The following HDAC4 variants were observed in gnomAD, a reference collection of about 807,000 sequenced individuals.
The protein encoded by HDAC4 is histone deacetylase A.
HDAC4 carries 16 observed loss-of-function variants against 135.1 expected under a neutral mutation model. That is an observed-to-expected ratio of 0.12 (90% confidence interval 0.08 to 0.18). The LOEUF is 0.18. Among genes scored for constraint, HDAC4 ranks in the 10% least tolerant of loss-of-function variants. The pLI, the probability that HDAC4 is intolerant of heterozygous loss-of-function variation, is 1.00. For synonymous variants in HDAC4, 685 were observed against 653.4 expected, an observed-to-expected ratio of 1.05 and a Z score of -0.74; for missense variants, 1,143 against 1,511.8, an observed-to-expected ratio of 0.76 and a Z score of 4.05.
At chr2:239,364,150 G>A (rs1251344683) in intron 1 of HDAC4, among the ~76,000 whole-genome samples, 3 of 152,150 alleles carry the variant, frequency 2.0e-5, no homozygotes, top group African/African-American at 4.8e-5. Context: ...GAAACCCCTC[G>A]GTGGCAGGTA....
chr2:239,268,285 C>T (rs1243093262), intron 2 of HDAC4, among the ~76,000 whole-genome samples: 6 of 143,652 alleles, frequency 4.2e-5, no homozygotes, highest in Non-Finnish European at 6.4e-5. Context: ...CGGGCCAGGC[C>T]CCACTGACAG....
intron 3 of HDAC4, among the ~76,000 whole-genome samples, chr2:239,193,056 C>T (rs1049469580): frequency 2.6e-5 from 4 of 152,220 alleles, no homozygotes; most frequent in African/African-American, 7.2e-5. Flanking sequence ...GAATAAGTAA[C>T]TGCACAGCGT....
At chr2:239,109,744 G>A (rs777505390) in intron 14 of HDAC4, among the ~76,000 whole-genome samples, 1 of 152,318 alleles carries the variant, frequency 6.6e-6, no homozygotes, top group African/African-American at 2.4e-5. Context: ...CATAGGCAAT[G>A]ACGGACACTG....
chr2:239,076,829 G>A (rs888474433), intron 22 of HDAC4, among the ~76,000 whole-genome samples: 5 of 152,090 alleles, frequency 3.3e-5, no homozygotes, highest in African/African-American at 9.7e-5. Flanking sequence ...AAGCAAAAGC[G>A]TCCCCACTGA....
chr2:239,115,134 G>T lies in HDAC4; in HGVS notation c.1710C>A (p.Ser570Arg), dbSNP rs141268656. 6.2e-7 allele frequency: 1 copy of T among 1,611,692 alleles called. No individual in the cohort carries two copies. Among genetic ancestry groups the T allele is most frequent in the Non-Finnish European group, 8.5e-7 (1 of 1,179,948 alleles). The change falls in exon 13 of 27, where the codon AGC (serine) becomes AGA (arginine). Residue 570 changes from serine to arginine, a missense_variant. This residue lies in a region of HDAC4 where 196 missense variants were observed against 210.7 expected (regional missense o/e 0.93). Transcript: ENST00000543185. This position sits in a 1 kb window ranked among gnomAD's most constrained non-coding sequence, Gnocchi z 6.3. Reference sequence around the variant, plus strand: ...GTGGGGGCTCTGCCTCTTCCTCATCGCTCTCAATGGGCTCCTGCTTCACCT... The same window carrying T: ...GTGGGGGCTCTGCCTCTTCCTCATCTCTCTCAATGGGCTCCTGCTTCACCT... Reference protein sequence around the residue: ...GVQVKQEPIESDEEEAEPPRE... With the variant: ...GVQVKQEPIERDEEEAEPPRE...
At position 239,068,595 on chromosome 2, in the gene HDAC4, C is replaced by T. The variant is rs763565228; in HGVS notation, c.2763G>A (p.Met921Ile). The stretch of plus-strand genomic sequence containing the variant: ...CCGGGGCAAACTCGCTGGCGATCGG[C>T]ATGACCACCGTTCTGCAAAGGACAG... ...EYLAAFRTVV[M>I]PIASEFAPDV... Residue 921 changes from methionine (M) to isoleucine (I), a missense_variant, in exon 23 of 27, where the codon ATG becomes ATA. Met to Ile is a conservative substitution (Grantham distance 10). Around this residue, in one of 9 missense-constraint regions of HDAC4, gnomAD observed 189 missense variants for 317.6 expected, o/e 0.60. Transcript: ENST00000543185. This position sits in a 1 kb window ranked among gnomAD's most constrained non-coding sequence, Gnocchi z 4.4. 51 of 1,613,776 alleles carry T rather than the reference C, an allele frequency of 3.2e-5. No individual in the cohort carries two copies. The highest frequency in any genetic ancestry group is 4.2e-5 in the Non-Finnish European group (49 of 1,179,946).
rs369327352 is a variant in HDAC4, at chr2:239,053,107, G to T, written c.3260C>A (p.Pro1087Gln). ...AGCTTCGAGGGAGTGCTACAGGGGC[G>T]GCTCCTCTTCCATGGGCTCCTCATC... ...RPDEEPMEEEPPL is the reference protein window; with the variant it reads ...RPDEEPMEEEQPL Residue 1087 changes from proline (P) to glutamine (Q), a missense_variant, in exon 27 of 27, where the codon CCG becomes CAG. Coordinates refer to ENST00000543185, the MANE Select transcript of HDAC4 (RefSeq NM_001378414.1). 1 of 1,614,206 alleles carries T rather than the reference G, an allele frequency of 6.2e-7. No individual in the cohort carries two copies. Among genetic ancestry groups the T allele is most frequent in the East Asian group, 2.2e-5 (1 of 44,882 alleles).
At chr2:239,116,393 C>A (rs1266523657) in intron 12 of HDAC4, among the ~76,000 whole-genome samples, 1 of 152,226 alleles carries the variant, frequency 6.6e-6, no homozygotes, top group Non-Finnish European at 1.5e-5. Context: ...CTCTCTCTGG[C>A]CAGCTGTCCA....
intron 2 of HDAC4, among the ~76,000 whole-genome samples, chr2:239,292,208 C>A (rs1372933671): frequency 6.6e-6 from 1 of 152,230 alleles, no homozygotes; most frequent in African/African-American, 2.4e-5. Context: ...GCTGGGGACT[C>A]CCAGCCGGGC....
chr2:239,356,544 A>C (rs1693500255), intron 1 of HDAC4, among the ~76,000 whole-genome samples: 1 of 152,254 alleles, frequency 6.6e-6, no homozygotes, highest in Non-Finnish European at 1.5e-5. Context: ...TATATTTAAA[A>C]TATAGAAATA....
At chr2:239,062,648 C>T (rs577243443) in intron 24 of HDAC4, among the ~76,000 whole-genome samples, 11 of 152,178 alleles carry the variant, frequency 7.2e-5, no homozygotes, top group South Asian at 2.1e-4. Context: ...AGAATATATA[C>T]GTCAGTTGCC....
chr2:239,324,500 C>G (rs1448105591), intron 2 of HDAC4, among the ~76,000 whole-genome samples: 1 of 152,222 alleles, frequency 6.6e-6, no homozygotes. Flanking sequence ...CAAGCAAAGC[C>G]AAAGTGCCTG....
At chr2:239,100,683 G>A (rs57945303) in intron 16 of HDAC4, among the ~76,000 whole-genome samples, 1 of 152,302 alleles carries the variant, frequency 6.6e-6, no homozygotes, top group African/African-American at 2.4e-5. Context: ...CAGCATAAGG[G>A]ATCTCAGGGG....
intron 2 of HDAC4, among the ~76,000 whole-genome samples, chr2:239,335,508 C>CAAAAAAAAAA (rs61007856): frequency 1.7e-5 from 1 of 59,376 alleles, no homozygotes; most frequent in Non-Finnish European, 3.7e-5. Context: ...ATCTGTTCAG[C>CAAAAAAAAAA]AAAAAAAAAA....
In HDAC4 at chr2:239,285,027, T is replaced by G. The variant is rs920214593; in HGVS notation, c.23-48363A>C. 3.3e-5 allele frequency among the ~76,000 whole-genome samples: 5 copies of G among 152,008 alleles called. No homozygotes were observed. The highest frequency in any genetic ancestry group is 1.2e-4 in the African/African-American group (5 of 41,368). Reference sequence around the variant, plus strand: ...AGCATGAAGGAAGCCCAGAGACAAGTCGTCTAAATGCATCCATCAGTCTAC... The same window carrying G: ...AGCATGAAGGAAGCCCAGAGACAAGGCGTCTAAATGCATCCATCAGTCTAC... On this transcript the variant is annotated intron_variant, in intron 2 of 26. Coordinates refer to ENST00000543185, the MANE Select transcript of HDAC4 (RefSeq NM_001378414.1). This position sits in a 1 kb window ranked among gnomAD's most constrained non-coding sequence, Gnocchi z 4.5.
At chr2:239,187,569 A>C (rs2153037263) in intron 4 of HDAC4, among the ~76,000 whole-genome samples, 1 of 152,288 alleles carries the variant, frequency 6.6e-6, no homozygotes, top group East Asian at 1.9e-4. Flanking sequence ...CTCTTCTCCC[A>C]GGCCAGAAAA....
chr2:239,174,228 T>A (rs1273415431), intron 5 of HDAC4, among the ~76,000 whole-genome samples: 1 of 151,884 alleles, frequency 6.6e-6, no homozygotes, highest in African/African-American at 2.4e-5. Context: ...ATTAAGAGAG[T>A]GAACAGGCAA....
intron 3 of HDAC4, among the ~76,000 whole-genome samples, chr2:239,233,625 G>T (rs1392849823): frequency 6.6e-6 from 1 of 152,182 alleles, no homozygotes; most frequent in African/African-American, 2.4e-5. Context: ...ATGCTTTTCT[G>T]TTGGAAGTGG....
intron 3 of HDAC4, among the ~76,000 whole-genome samples, chr2:239,204,491 G>A (rs2045932308): frequency 6.6e-6 from 1 of 152,202 alleles, no homozygotes; most frequent in Admixed American, 6.5e-5. Context: ...TGGGCCCAGG[G>A]AAATGGGCAG....
Sources: gnomAD v4.1 joint callset for allele counts (sites outside exome capture counted in the v4.1 genomes callset) on GRCh38, gnomAD v4.1.1 for gene constraint, gnomAD v4.1.1 regional missense constraint, Gnocchi (gnomAD v3.1) non-coding constraint, MANE v1.5 for transcripts, NCBI Gene and HGNC (gene_info 2026-07-23, HGNC 2026-07-21) for gene names.